TRIM9: variants seen among roughly 807,000 people sequenced by gnomAD.
The protein encoded by TRIM9 is tripartite motif containing 9, also known as E3 ubiquitin-protein ligase TRIM9.
Under a neutral mutation model 78.3 loss-of-function variants are expected in TRIM9, and 26 were observed. The observed-to-expected ratio is 0.33, with a 90% CI of 0.24 to 0.46. TRIM9 has a LOEUF of 0.46. Among genes scored for constraint, TRIM9 ranks in the 20% least tolerant of loss-of-function variants. The pLI is 1.00. For synonymous variants in TRIM9, 398 were observed against 416.5 expected (o/e 0.96, Z 0.54); for missense variants, 787 against 1,036.4 (o/e 0.76, Z 3.30).
chr14:51,093,431 A>T (rs989672717), intron 1 of TRIM9, among the ~76,000 whole-genome samples: 3 of 152,198 alleles, frequency 2.0e-5, no homozygotes, highest in Admixed American at 2.0e-4. Flanking sequence ...CTGACACTCT[A>T]GTCTCAGGTC....
At chr14:51,000,918 T>C in intron 5 of TRIM9, 78 bp from the exon 6 acceptor site, 3 of 1,555,132 alleles carry the variant, frequency 1.9e-6, no homozygotes, top group Non-Finnish European at 2.6e-6. Flanking sequence ...AGCATCCCCC[T>C]GATAAACACG....
intron 5 of TRIM9, among the ~76,000 whole-genome samples, chr14:51,008,490 A>G (rs1484497622): frequency 1.3e-5 from 2 of 152,198 alleles, no homozygotes; most frequent in Admixed American, 6.5e-5. Flanking sequence ...TTTTCTTTGA[A>G]AGAGTTGTTT....
At position 51,072,590 on chromosome 14, in the gene TRIM9, C is replaced by G. The variant is rs2062387080; in HGVS notation, c.822+21528G>C. The stretch of plus-strand genomic sequence containing the variant: ...AAGAATAATCACTCCTGGAAACTTT[C>G]TAAAATTCATGTTTAATATGAAATC... On this transcript the variant is annotated intron_variant, in intron 1 of 12. Coordinates refer to ENST00000684578, the MANE Select transcript of TRIM9 (RefSeq NM_001387360.1). 2.0e-5 allele frequency among the ~76,000 whole-genome samples: 3 copies of G among 150,844 alleles called. No homozygotes were observed. The South Asian group carries it at 6.3e-4, about 32-fold the overall frequency.
intron 1 of TRIM9, among the ~76,000 whole-genome samples, chr14:51,038,095 T>G (rs2059304696): frequency 6.6e-6 from 1 of 152,142 alleles, no homozygotes; most frequent in Admixed American, 6.5e-5. Context: ...GTGATTAAAG[T>G]TATAGACCTT....
At chr14:50,997,484 C>A in intron 7 of TRIM9, 1 of 985,688 alleles carries the variant, frequency 1.0e-6, no homozygotes, top group Non-Finnish European at 1.2e-6. Context: ...TGACGGCCTC[C>A]GCTTTGGGTA....
rs756567455 is a variant in TRIM9, at chr14:50,998,020, G to A, written c.1603+30C>T. ...CCACTTTAGATGCCACGCAGTTCTCGCTCTGAGGGATACTGCTGAAGGGCC... is the reference window on the plus strand; with the variant it reads ...CCACTTTAGATGCCACGCAGTTCTCACTCTGAGGGATACTGCTGAAGGGCC... On this transcript the variant is annotated intron_variant, in intron 7 of 12. Transcript: ENST00000684578. 9 of 1,613,362 alleles carry A rather than the reference G, an allele frequency of 5.6e-6. No homozygotes were observed. The East Asian group carries it at 8.9e-5, about 16-fold the overall frequency.
chr14:51,055,153 T>C (rs1279259212), intron 1 of TRIM9, among the ~76,000 whole-genome samples: 2 of 152,236 alleles, frequency 1.3e-5, no homozygotes, highest in Non-Finnish European at 2.9e-5. Context: ...ATTTGGTTTA[T>C]TACTTTGAAG....
At chr14:51,057,840 A>G (rs191142753) in intron 1 of TRIM9, among the ~76,000 whole-genome samples, 2 of 152,312 alleles carry the variant, frequency 1.3e-5, no homozygotes, top group African/African-American at 4.8e-5. Flanking sequence ...TCATATAAGA[A>G]ACAGGAGGTA....
At chr14:51,073,814 G>T (rs1050776787) in intron 1 of TRIM9, among the ~76,000 whole-genome samples, 1 of 152,040 alleles carries the variant, frequency 6.6e-6, no homozygotes, top group Non-Finnish European at 1.5e-5. Flanking sequence ...CTTTTTTGTT[G>T]TTTTTTGCAG....
chr14:51,066,110 AGGGAGGGAG>A (rs1447332208), intron 1 of TRIM9, among the ~76,000 whole-genome samples: 5 of 11,306 alleles, frequency 4.4e-4, no homozygotes, highest in South Asian at 2.7e-3. Context: ...GGACGGAGGG[AGGGAGGGAG>A]GGGAGGGGAG....
chr14:50,976,434 C>G lies in TRIM9; in HGVS notation c.*857G>C, dbSNP rs1001947076. 2.0e-5 allele frequency: 3 copies of G among 152,086 alleles called. No individual in the cohort carries two copies. The highest frequency in any genetic ancestry group is 4.8e-5 in the African/African-American group (2 of 41,398). 9.4% of individuals were successfully genotyped at this position (152,086 alleles called of 1,614,324 possible). A position where few individuals can be genotyped will look rare whatever the true frequency, so the allele number is the denominator to read the frequency against. ...TTTTCTCCTACTGGAATATAAGCTC[C>G]GAAGGGCAGAGACCATGCCTGTCTG... On this transcript the variant is annotated 3_prime_UTR_variant, in exon 13 of 13. Transcript: ENST00000684578.
chr14:51,021,957 G>C (rs910013924), intron 3 of TRIM9, among the ~76,000 whole-genome samples: 1 of 152,110 alleles, frequency 6.6e-6, no homozygotes, highest in African/African-American at 2.4e-5. Flanking sequence ...TCATTTTCTA[G>C]AAAGTACAGA....
intron 1 of TRIM9, among the ~76,000 whole-genome samples, chr14:51,084,669 T>C (rs1232821475): frequency 6.6e-6 from 1 of 152,226 alleles, no homozygotes; most frequent in Non-Finnish European, 1.5e-5. Context: ...GATAACATTA[T>C]TCCAAGATAA....
At chr14:51,050,226 CAA>C (rs2060286639) in intron 1 of TRIM9, among the ~76,000 whole-genome samples, 1 of 152,164 alleles carries the variant, frequency 6.6e-6, no homozygotes, top group Admixed American at 6.5e-5. Flanking sequence ...TGTCCCCACC[CAA>C]ATCTCATCTT....
At chr14:51,038,398 A>G (rs1000778781) in intron 1 of TRIM9, among the ~76,000 whole-genome samples, 1 of 152,224 alleles carries the variant, frequency 6.6e-6, no homozygotes, top group Non-Finnish European at 1.5e-5. Context: ...CATGGCAGCA[A>G]TAGAAACCTA....
At position 51,052,050 on chromosome 14, in the gene TRIM9, A is replaced by AAGAGAAGAGAAGAGGAGAAGAGAAG. The variant is rs2060476691; in HGVS notation, c.823-26715_823-26691dup. 1.4e-4 allele frequency among the ~76,000 whole-genome samples: 21 copies of AAGAGAAGAGAAGAGGAGAAGAGAAG among 151,824 alleles called. No homozygotes were observed. In the South Asian group the frequency reaches 4.4e-3, roughly 32 times the overall value. On this transcript the variant is annotated intron_variant, in intron 1 of 12. Coordinates refer to ENST00000684578, the MANE Select transcript of TRIM9 (RefSeq NM_001387360.1). ...GAGGGGAGGGGAGGGAAAAGAAGAG[A>AAGAGAAGAGAAGAGGAGAAGAGAAG]AGAGAAGAGAAGAGGAGAAGAGAAG...
chr14:50,986,102 G>A lies in TRIM9; in HGVS notation c.1646C>T (p.Ser549Leu), dbSNP rs2052679482. The A allele has an allele frequency of 6.5e-7, 1 of 1,544,024 alleles. No homozygotes were observed. Among genetic ancestry groups the A allele is most frequent in the Non-Finnish European group, 8.7e-7 (1 of 1,143,550 alleles). The change falls in exon 8 of 13, where the codon TCG (serine) becomes TTG (leucine). Residue 549 changes from serine (S) to leucine (L), a missense_variant. Around this residue, in one of 3 missense-constraint regions of TRIM9, gnomAD observed 421 missense variants for 514.3 expected, o/e 0.82. Transcript: ENST00000684578. ...EEQTLPFPVP[S>L]ERLPLRRMSP... is the part of the protein sequence containing the mutation. ...CATTCTACGGAGCGGCAATCTTTCC[G>A]AAGGCACTGGAAAAGGGAGGGTCTG...
Position 50,979,257 on chromosome 14 carries a change from C to T in TRIM9, c.2325+130G>A, listed in dbSNP as rs931852327. ...CCAGTGCTGATCCCTTTCTCTCCTCCTCTCCTTCATATCTTGGTCTGGGCC... is the reference window on the plus strand; with the variant it reads ...CCAGTGCTGATCCCTTTCTCTCCTCTTCTCCTTCATATCTTGGTCTGGGCC... On this transcript the variant is annotated intron_variant, in intron 12 of 12. Coordinates refer to ENST00000684578, the MANE Select transcript of TRIM9 (RefSeq NM_001387360.1). 2.6e-6 allele frequency: 4 copies of T among 1,540,916 alleles called. No homozygotes were observed. The African/African-American group carries it at 5.5e-5, about 21-fold the overall frequency.
intron 1 of TRIM9, among the ~76,000 whole-genome samples, chr14:51,035,735 G>T (rs1383460677): frequency 1.3e-5 from 2 of 152,188 alleles, no homozygotes; most frequent in Non-Finnish European, 2.9e-5. Context: ...TCTTCGAAAA[G>T]AAAGGGTAGC....
Sources: gnomAD v4.1 joint callset for allele counts (sites outside exome capture counted in the v4.1 genomes callset) on GRCh38, gnomAD v4.1.1 for gene constraint, gnomAD v4.1.1 regional missense constraint, MANE v1.5 for transcripts, NCBI Gene and HGNC (gene_info 2026-07-23, HGNC 2026-07-21) for gene names.